Variants in GALNTL6 observed in about 807,000 individuals in gnomAD.
The protein encoded by GALNTL6 is polypeptide N-acetylgalactosaminyltransferase like 6, also known as polypeptide N-acetylgalactosaminyltransferase-like 6.
Under a neutral mutation model 73.7 loss-of-function variants are expected in GALNTL6, and 46 were observed. The observed-to-expected ratio is 0.62, with a 90% confidence interval of 0.49 to 0.80. The LOEUF is 0.80. GALNTL6 is among the 30% of genes least tolerant of loss of function. GALNTL6 has a pLI of 0.00. For synonymous variants in GALNTL6, 259 were observed against 263.7 expected (o/e 0.98, Z 0.17); for missense variants, 604 against 755.0 (o/e 0.80, Z 2.34).
At position 172,809,008 on chromosome 4, in the gene GALNTL6, A is replaced by G. The variant is rs948633259; in HGVS notation, c.554-353A>G. ...AGAGCTCTTTTGTTGGAAAGAGCCC[A>G]TTTCCAGGATTTTCATCTGACTTTA... On this transcript the variant is annotated intron_variant, in intron 5 of 12. Transcript: ENST00000506823. This position sits in a 1 kb window ranked among gnomAD's most constrained non-coding sequence, Gnocchi z 4.4. 2.0e-5 allele frequency among the ~76,000 whole-genome samples: 3 copies of G among 152,186 alleles called. No individual in the cohort carries two copies. The highest frequency in any genetic ancestry group is 7.2e-5 in the African/African-American group (3 of 41,468).
chr4:172,993,845 C>A (rs375770063), intron 10 of GALNTL6, among the ~76,000 whole-genome samples: 3 of 152,118 alleles, frequency 2.0e-5, no homozygotes, highest in Non-Finnish European at 2.9e-5. Context: ...TCACTAGAAC[C>A]CAGGAGGCGG....
At chr4:172,219,199 G>GTATATATATATATATA (rs34783084) in intron 2 of GALNTL6, among the ~76,000 whole-genome samples, 3,138 of 115,778 alleles carry the variant, frequency 0.027, 95 homozygotes, top group African/African-American at 0.03. Flanking sequence ...TTAAGCAAGT[G>GTATATATATATATATA]TATATATATA....
chr4:171,913,033 T>A (rs919989416), intron 2 of GALNTL6, among the ~76,000 whole-genome samples: 1 of 152,208 alleles, frequency 6.6e-6, no homozygotes, highest in African/African-American at 2.4e-5. Context: ...TTTGATGTAC[T>A]GATTTCCTTT....
chr4:171,845,159 G>T (rs1007548834), intron 2 of GALNTL6, among the ~76,000 whole-genome samples: 2 of 152,116 alleles, frequency 1.3e-5, no homozygotes, highest in African/African-American at 2.4e-5. Flanking sequence ...TTGCAATTCT[G>T]TTCAAAGCTG....
At chr4:172,668,447 A>C (rs2111197780) in intron 5 of GALNTL6, 1 of 152,308 alleles carries the variant, frequency 6.6e-6, no homozygotes, top group South Asian at 2.1e-4. Context: ...AGAAAGAGGA[A>C]GATCAAACAG....
At chr4:171,881,241 A>T (rs1303195117) in intron 2 of GALNTL6, among the ~76,000 whole-genome samples, 1 of 152,232 alleles carries the variant, frequency 6.6e-6, no homozygotes, top group Non-Finnish European at 1.5e-5. Context: ...AACAATAATT[A>T]TTCACAGAAT....
At chr4:171,855,226 A>G (rs1735656229) in intron 2 of GALNTL6, among the ~76,000 whole-genome samples, 1 of 152,202 alleles carries the variant, frequency 6.6e-6, no homozygotes, top group African/African-American at 2.4e-5. Flanking sequence ...ACCGTATCAT[A>G]CAGAACACTT....
chr4:172,426,882 A>C (rs1731249887), intron 5 of GALNTL6, among the ~76,000 whole-genome samples: 1 of 150,966 alleles, frequency 6.6e-6, no homozygotes, highest in African/African-American at 2.4e-5. Context: ...ACTGGCACAG[A>C]AACATTCTCT....
intron 9 of GALNTL6, among the ~76,000 whole-genome samples, chr4:172,950,706 C>G (rs1749400158): frequency 6.6e-6 from 1 of 152,182 alleles, no homozygotes; most frequent in Admixed American, 6.5e-5. Context: ...TAGTCATTTT[C>G]AAGATAAAGC....
intron 5 of GALNTL6, among the ~76,000 whole-genome samples, chr4:172,735,874 G>A (rs1736429095): frequency 6.6e-6 from 1 of 152,124 alleles, no homozygotes; most frequent in Non-Finnish European, 1.5e-5. Flanking sequence ...TTACAGCTGG[G>A]TCTCCAGGGG....
intron 5 of GALNTL6, among the ~76,000 whole-genome samples, chr4:172,628,190 T>C (rs994721038): frequency 6.6e-6 from 1 of 152,180 alleles, no homozygotes; most frequent in African/African-American, 2.4e-5. Flanking sequence ...TGTGACTACT[T>C]AGTTGGTTTA....
intron 5 of GALNTL6, among the ~76,000 whole-genome samples, chr4:172,384,565 T>A (rs563212035): frequency 6.6e-6 from 1 of 152,198 alleles, no homozygotes; most frequent in East Asian, 1.9e-4. Context: ...GTTTTCTTTA[T>A]TGTTTTTTTT....
At chr4:172,422,779 C>T (rs914503000) in intron 5 of GALNTL6, among the ~76,000 whole-genome samples, 2 of 151,692 alleles carry the variant, frequency 1.3e-5, no homozygotes, top group Admixed American at 6.6e-5. Flanking sequence ...CCTATTCTGC[C>T]ACAGCCTTTC....
intron 5 of GALNTL6, among the ~76,000 whole-genome samples, chr4:172,736,191 A>G (rs1207153694): frequency 2.0e-5 from 3 of 152,134 alleles, no homozygotes; most frequent in African/African-American, 4.8e-5. Context: ...GAATTTCCCA[A>G]TCCTAGCAAG....
chr4:172,394,951 G>A (rs945789464), intron 5 of GALNTL6, among the ~76,000 whole-genome samples: 1 of 152,184 alleles, frequency 6.6e-6, no homozygotes, highest in Non-Finnish European at 1.5e-5. Flanking sequence ...CTCATCAGCT[G>A]TGTTTCAGAT....
chr4:172,883,883 T>G (rs1454769274), intron 8 of GALNTL6, among the ~76,000 whole-genome samples: 1 of 151,428 alleles, frequency 6.6e-6, no homozygotes, highest in Non-Finnish European at 1.5e-5. Flanking sequence ...AGCTAGGACA[T>G]GGGATGTTTT....
intron 2 of GALNTL6, among the ~76,000 whole-genome samples, chr4:172,101,917 T>C (rs1048749616): frequency 2.0e-5 from 3 of 152,044 alleles, no homozygotes; most frequent in Admixed American, 6.6e-5. Flanking sequence ...AAATTAAAAA[T>C]ATAATTAAAA....
At chr4:172,470,796 A>T (rs1229119022) in intron 5 of GALNTL6, among the ~76,000 whole-genome samples, 1 of 152,206 alleles carries the variant, frequency 6.6e-6, no homozygotes, top group Non-Finnish European at 1.5e-5. Context: ...AAGTATCTCT[A>T]TACATGAGAT....
At chr4:172,671,351 G>C (rs374281258) in intron 5 of GALNTL6, among the ~76,000 whole-genome samples, 37 of 152,200 alleles carry the variant, frequency 2.4e-4, no homozygotes, top group African/African-American at 8.9e-4. Flanking sequence ...AGTTCTCCTT[G>C]TAGAGATGTT....
Sources: gnomAD v4.1 joint callset for allele counts (sites outside exome capture counted in the v4.1 genomes callset) on GRCh38, gnomAD v4.1.1 for gene constraint, Gnocchi (gnomAD v3.1) non-coding constraint, MANE v1.5 for transcripts, NCBI Gene and HGNC (gene_info 2026-07-23, HGNC 2026-07-21) for gene names.